Variants in KCMF1 observed in about 807,000 individuals in gnomAD.
KCMF1 encodes potassium channel modulatory factor 1, also known as E3 ubiquitin-protein ligase KCMF1.
A neutral mutation model predicts 41.1 loss-of-function variants in KCMF1; 3 were observed. The ratio of observed to expected loss-of-function variants is 0.07; its 90% confidence interval spans 0.03 to 0.19. The LOEUF (loss-of-function observed/expected upper bound fraction) is 0.19, where lower values mean the gene tolerates loss of function less well. Among genes scored for constraint, KCMF1 ranks in the 10% least tolerant of loss-of-function variants. The pLI is 1.00. For synonymous variants in KCMF1, 142 were observed against 164.5 expected (o/e 0.86, Z 1.04); for missense variants, 286 against 488.9 (o/e 0.58, Z 3.91).
In KCMF1 at chr2:85,052,636, T is replaced by C. The variant is rs540231383; in HGVS notation, c.885-512T>C. 3.3e-5 allele frequency among the ~76,000 whole-genome samples: 5 copies of C among 152,336 alleles called. No homozygotes were observed. The South Asian group carries it at 8.3e-4, about 25-fold the overall frequency. ...GAAGAAATGTAGGAGTTTGTATGTA[T>C]GTGTTTTCTTGCCCTTTCTAGCTTC... On this transcript the variant is annotated intron_variant, in intron 6 of 6. Coordinates refer to ENST00000409785, the MANE Select transcript of KCMF1 (RefSeq NM_020122.5).
intron 1 of KCMF1, among the ~76,000 whole-genome samples, chr2:85,003,432 C>T (rs962930643): frequency 9.9e-5 from 15 of 151,808 alleles, no homozygotes; most frequent in African/African-American, 4.8e-5. Flanking sequence ...GAGCCAAGAT[C>T]GTGCCAGTGC....
intron 1 of KCMF1, among the ~76,000 whole-genome samples, chr2:85,016,071 T>C (rs1382336685): frequency 6.6e-6 from 1 of 152,176 alleles, no homozygotes; most frequent in Non-Finnish European, 1.5e-5. Flanking sequence ...AAGGGTTGTT[T>C]TAAATGTTTT....
intron 1 of KCMF1, among the ~76,000 whole-genome samples, chr2:85,021,318 A>C (rs745824798): frequency 1.1e-4 from 16 of 152,182 alleles, no homozygotes; most frequent in Non-Finnish European, 1.9e-4. Context: ...GTATTCTGGG[A>C]AAGCGATAAA....
intron 1 of KCMF1, among the ~76,000 whole-genome samples, chr2:85,022,537 C>T (rs1446887494): frequency 2.6e-5 from 4 of 152,246 alleles, no homozygotes; most frequent in Admixed American, 2.0e-4. Context: ...CCACTGACAG[C>T]CCAAAGGTTG....
At chr2:85,046,081 T>A (rs1675660194) in intron 4 of KCMF1, 23 bp from the exon 5 acceptor site, 1 of 1,583,514 alleles carries the variant, frequency 6.3e-7, no homozygotes, top group African/African-American at 1.4e-5. Context: ...ATACTTTCGT[T>A]TTTTTCTTAA....
At chr2:85,002,614 GT>G (rs56358053) in intron 1 of KCMF1, among the ~76,000 whole-genome samples, 20,475 of 143,542 alleles carry the variant, frequency 0.14, 2,002 homozygotes, top group East Asian at 0.35. Flanking sequence ...TCTTAACTGT[GT>G]TTTTTTTTTT....
At chr2:85,001,522 G>C (rs1441339776) in intron 1 of KCMF1, among the ~76,000 whole-genome samples, 3 of 152,146 alleles carry the variant, frequency 2.0e-5, no homozygotes, top group Non-Finnish European at 4.4e-5. Context: ...CTGGTAGGAG[G>C]TTTAGAAAAT....
chr2:84,988,766 A>G (rs550799663), intron 1 of KCMF1, among the ~76,000 whole-genome samples: 4 of 152,230 alleles, frequency 2.6e-5, no homozygotes, highest in Non-Finnish European at 5.9e-5. Flanking sequence ...ACCAAAGCCC[A>G]TGTTCATTCA....
intron 1 of KCMF1, among the ~76,000 whole-genome samples, chr2:84,984,154 G>T (rs1673837143): frequency 6.6e-6 from 1 of 152,140 alleles, no homozygotes; most frequent in South Asian, 2.1e-4. Context: ...GCTGAGGAAG[G>T]AGGATTGTTT....
At chr2:84,997,276 T>G (rs1364187225) in intron 1 of KCMF1, among the ~76,000 whole-genome samples, 1 of 152,310 alleles carries the variant, frequency 6.6e-6, no homozygotes, top group East Asian at 1.9e-4. Flanking sequence ...TTAAACCTTT[T>G]TAATTATAGG....
At chr2:85,003,289 C>T (rs1352091633) in intron 1 of KCMF1, among the ~76,000 whole-genome samples, 2 of 151,790 alleles carry the variant, frequency 1.3e-5, no homozygotes, top group Non-Finnish European at 2.9e-5. Context: ...CTGGCTAACA[C>T]GGTGAAACCC....
intron 5 of KCMF1, among the ~76,000 whole-genome samples, chr2:85,047,884 G>A (rs758605027): frequency 6.6e-6 from 1 of 152,150 alleles, no homozygotes; most frequent in Non-Finnish European, 1.5e-5. Context: ...GTGTAAATCT[G>A]TAATAGAAAC....
intron 1 of KCMF1, among the ~76,000 whole-genome samples, chr2:84,980,741 C>T (rs190122495): frequency 3.9e-5 from 6 of 151,910 alleles, no homozygotes; most frequent in East Asian, 1.9e-4. Flanking sequence ...TTTGGGCTTA[C>T]GTGATCCTCC....
chr2:84,987,253 A>G (rs571605793), intron 1 of KCMF1, among the ~76,000 whole-genome samples: 1 of 152,356 alleles, frequency 6.6e-6, no homozygotes, highest in Admixed American at 6.5e-5. Flanking sequence ...GTGCATTAAA[A>G]GTTTTAAGCA....
intron 1 of KCMF1, among the ~76,000 whole-genome samples, chr2:85,026,498 T>TTATTATTATTA (rs1558580342): frequency 8.0e-6 from 1 of 125,532 alleles, no homozygotes; most frequent in African/African-American, 2.9e-5. Context: ...TATTATTATT[T>TTATTATTATTA]TTATTTTTTC....
At chr2:85,045,809 T>C (rs1675652873) in intron 4 of KCMF1, among the ~76,000 whole-genome samples, 1 of 152,178 alleles carries the variant, frequency 6.6e-6, no homozygotes, top group African/African-American at 2.4e-5. Flanking sequence ...ATACATTCAG[T>C]ATTGTTCCTT....
intron 1 of KCMF1, among the ~76,000 whole-genome samples, chr2:85,020,098 G>C (rs1674893165): frequency 6.6e-6 from 1 of 152,112 alleles, no homozygotes; most frequent in Non-Finnish European, 1.5e-5. Context: ...GCGAGCAAGG[G>C]ATAAGTATCA....
At position 85,058,385 on chromosome 2, in the gene KCMF1, C is replaced by CA. The variant is rs541107249; in HGVS notation, c.*4986dup. The CA allele has an allele frequency of 1.2e-3, 181 of 145,698 alleles. No homozygotes were observed. Among genetic ancestry groups the CA allele is most frequent in the African/African-American group, 2.1e-3 (83 of 39,804 alleles). The allele number at this position is 145,698 out of a possible 1,614,324, so 9.0% of individuals were successfully genotyped here. A position where few individuals can be genotyped will look rare whatever the true frequency, so the allele number is the denominator to read the frequency against. On this transcript the variant is annotated 3_prime_UTR_variant, in exon 7 of 7. Transcript: ENST00000409785. Reference sequence around the variant, plus strand: ...CGACACAGTGAGACTCTCCTCAAAACAAAAAAAAAAGAAAGAAAACCCATG... The same window carrying CA: ...CGACACAGTGAGACTCTCCTCAAAACAAAAAAAAAAAGAAAGAAAACCCATG...
At chr2:85,041,884 G>A (rs1675546955) in intron 3 of KCMF1, among the ~76,000 whole-genome samples, 1 of 151,276 alleles carries the variant, frequency 6.6e-6, no homozygotes, top group Non-Finnish European at 1.5e-5. Flanking sequence ...CCAGAAGCAC[G>A]TGAAAAGTAA....
Sources: gnomAD v4.1 joint callset for allele counts (sites outside exome capture counted in the v4.1 genomes callset) on GRCh38, gnomAD v4.1.1 for gene constraint, MANE v1.5 for transcripts, NCBI Gene and HGNC (gene_info 2026-07-23, HGNC 2026-07-21) for gene names.